The following CSMD1 variants were observed in gnomAD, a reference collection of about 807,000 sequenced individuals.
The protein encoded by CSMD1 is CUB and Sushi multiple domains 1.
A neutral mutation model predicts 417.5 loss-of-function variants in CSMD1; 213 were observed. That is an observed-to-expected ratio of 0.51 (90% CI 0.46 to 0.57). CSMD1 has a LOEUF of 0.57. Ranked by LOEUF, CSMD1 falls within the 20% of genes least tolerant of loss-of-function variation. CSMD1 has a pLI of 0.00. For synonymous variants in CSMD1, 2,862 were observed against 1,736.8 expected, an observed-to-expected ratio of 1.65 and a Z score of -16.11; for missense variants, 6,923 against 4,529.7, an observed-to-expected ratio of 1.53 and a Z score of -15.17.
intron 42 of CSMD1, among the ~76,000 whole-genome samples, chr8:3,117,877 T>C (rs1400038268): frequency 6.6e-6 from 1 of 152,216 alleles, no homozygotes; most frequent in Non-Finnish European, 1.5e-5. Context: ...TTCTTCTACC[T>C]GGAGTGTTCC....
intron 49 of CSMD1, among the ~76,000 whole-genome samples, chr8:3,076,784 A>G (rs920929195): frequency 2.0e-5 from 3 of 152,146 alleles, no homozygotes; most frequent in Non-Finnish European, 4.4e-5. Flanking sequence ...CTTTGCGCAA[A>G]ATGCTGGGGA....
chr8:4,047,870 T>A (rs1383109536), intron 3 of CSMD1, among the ~76,000 whole-genome samples: 1 of 152,186 alleles, frequency 6.6e-6, no homozygotes, highest in African/African-American at 2.4e-5. Context: ...GATCTAATAA[T>A]AATATTTACA....
At chr8:3,979,756 G>T (rs185697039) in intron 5 of CSMD1, among the ~76,000 whole-genome samples, 97 of 152,322 alleles carry the variant, frequency 6.4e-4, no homozygotes, top group Non-Finnish European at 2.9e-4. Context: ...TCAGAACTGT[G>T]AGAAATAAGT....
intron 5 of CSMD1, among the ~76,000 whole-genome samples, chr8:3,865,521 T>A (rs1056536641): frequency 2.0e-5 from 3 of 150,356 alleles, no homozygotes; most frequent in Non-Finnish European, 4.4e-5. Context: ...GGGGAAAGAG[T>A]TGGGGGTGGA....
In CSMD1 at chr8:3,658,277, C is replaced by T. The variant is rs112532653; in HGVS notation, c.1010-41480G>A. On this transcript the variant is annotated intron_variant, in intron 7 of 69. Transcript: ENST00000635120. The stretch of plus-strand genomic sequence containing the variant: ...GGAGTGAAATGTATTTTTTTCTTAT[C>T]AATGATTGTATTTGTGTATAAACAA... Among the ~76,000 whole-genome samples, 7 of 151,888 alleles carry T rather than the reference C, an allele frequency of 4.6e-5. 1 individual carries two copies. Among genetic ancestry groups the T allele is most frequent in the African/African-American group, 1.7e-4 (7 of 41,418 alleles).
At chr8:2,956,171 G>C (rs989673686) in intron 63 of CSMD1, among the ~76,000 whole-genome samples, 3 of 152,036 alleles carry the variant, frequency 2.0e-5, no homozygotes, top group Admixed American at 6.6e-5. Flanking sequence ...ATAAATTATA[G>C]AGACTGGTGA....
At chr8:3,656,981 T>G (rs1369631707) in intron 7 of CSMD1, among the ~76,000 whole-genome samples, 2 of 151,762 alleles carry the variant, frequency 1.3e-5, no homozygotes, top group Non-Finnish European at 1.5e-5. Context: ...ATCAGTGAAT[T>G]TTAGGACATG....
chr8:3,646,704 A>C (rs964681972), intron 7 of CSMD1, among the ~76,000 whole-genome samples: 6 of 152,112 alleles, frequency 3.9e-5, no homozygotes, highest in African/African-American at 1.4e-4. Flanking sequence ...CCTCCTTCTA[A>C]ACAGCGCTTT....
intron 7 of CSMD1, among the ~76,000 whole-genome samples, chr8:3,694,749 C>G (rs950880599): frequency 1.3e-5 from 2 of 151,668 alleles, no homozygotes; most frequent in South Asian, 2.1e-4. Flanking sequence ...GCTTCGAAAG[C>G]AACACCAAAA....
At chr8:3,074,050 T>C (rs1424638801) in intron 49 of CSMD1, among the ~76,000 whole-genome samples, 1 of 152,230 alleles carries the variant, frequency 6.6e-6, no homozygotes, top group East Asian at 1.9e-4. Flanking sequence ...GGCTGCTTTC[T>C]CACCTGGAGG....
intron 7 of CSMD1, among the ~76,000 whole-genome samples, chr8:3,652,816 C>A (rs972175486): frequency 1.3e-5 from 2 of 152,088 alleles, no homozygotes; most frequent in Non-Finnish European, 2.9e-5. Context: ...GTCCTGGGGG[C>A]AAGACTTTGT....
At chr8:3,254,290 C>T (rs1305145142) in intron 26 of CSMD1, among the ~76,000 whole-genome samples, 1 of 152,168 alleles carries the variant, frequency 6.6e-6, no homozygotes, top group Non-Finnish European at 1.5e-5. Context: ...CGACCTTTCT[C>T]TCTGGCTGCC....
intron 2 of CSMD1, among the ~76,000 whole-genome samples, chr8:4,506,290 G>C (rs911956109): frequency 6.6e-6 from 1 of 152,060 alleles, no homozygotes; most frequent in African/African-American, 2.4e-5. Flanking sequence ...TGGAAGCTTC[G>C]GTGATGAAAA....
chr8:4,031,700 C>T lies in CSMD1; in HGVS notation c.610+205G>A, dbSNP rs553436701. 1.1e-3 allele frequency among the ~76,000 whole-genome samples: 163 copies of T among 152,164 alleles called. 1 individual carries two copies. The highest frequency in any genetic ancestry group is 3.8e-3 in the African/African-American group (158 of 41,504). On this transcript the variant is annotated intron_variant, in intron 4 of 69. Coordinates refer to ENST00000635120, the MANE Select transcript of CSMD1 (RefSeq NM_033225.6). ...ATGTTATTACTTACATACTAACATG[C>T]AATATTAAATGTTATTACACATTAC...
chr8:4,161,042 A>G (rs183739683), intron 3 of CSMD1, among the ~76,000 whole-genome samples: 88 of 152,232 alleles, frequency 5.8e-4, no homozygotes, highest in African/African-American at 1.9e-3. Flanking sequence ...GGCACTTCTT[A>G]AAAACTGAGC....
At chr8:4,279,491 A>C (rs886153446) in intron 3 of CSMD1, among the ~76,000 whole-genome samples, 6 of 152,202 alleles carry the variant, frequency 3.9e-5, no homozygotes, top group African/African-American at 1.4e-4. Context: ...ATGAGCAGGA[A>C]TACTGACTTT....
At chr8:4,981,733 A>G (rs1181531196) in intron 1 of CSMD1, among the ~76,000 whole-genome samples, 1 of 152,156 alleles carries the variant, frequency 6.6e-6, no homozygotes, top group Admixed American at 6.5e-5. Context: ...TCCGTGCCCT[A>G]GGGATCCTTT....
intron 1 of CSMD1, among the ~76,000 whole-genome samples, chr8:4,655,160 C>T (rs1804148553): frequency 6.6e-6 from 1 of 151,974 alleles, no homozygotes; most frequent in African/African-American, 2.4e-5. Flanking sequence ...TTTGACTTTA[C>T]CAAAATGTTA....
intron 1 of CSMD1, among the ~76,000 whole-genome samples, chr8:4,689,498 T>C (rs1204791739): frequency 6.6e-6 from 1 of 152,212 alleles, no homozygotes; most frequent in Non-Finnish European, 1.5e-5. Flanking sequence ...ATGACGTATT[T>C]CTTGGATAAC....
Sources: gnomAD v4.1 joint callset for allele counts (sites outside exome capture counted in the v4.1 genomes callset) on GRCh38, gnomAD v4.1.1 for gene constraint, MANE v1.5 for transcripts, NCBI Gene and HGNC (gene_info 2026-07-23, HGNC 2026-07-21) for gene names.